CGNL1: variants seen among roughly 807,000 people sequenced by gnomAD.
CGNL1 encodes cingulin-like protein 1.
Under a neutral mutation model 141.2 loss-of-function variants are expected in CGNL1, and 132 were observed. The ratio of observed to expected loss-of-function variants is 0.93; its 90% CI spans 0.81 to 1.08. The LOEUF is 1.08. Ranked by LOEUF, CGNL1 falls within the 50% of genes least tolerant of loss-of-function variation. The probability of loss-of-function intolerance (pLI) is 0.00; values close to 1 mark genes in which losing one functional copy is unlikely to be tolerated. For missense variants in CGNL1, 1,870 were observed against 1,588.6 expected (o/e 1.18, Z -3.01); for synonymous variants, 690 against 622.1 (o/e 1.11, Z -1.63).
At position 57,498,785 on chromosome 15, in the gene CGNL1, A is replaced by G. The variant is rs546561569; in HGVS notation, c.2404-17995A>G. 2.6e-5 allele frequency among the ~76,000 whole-genome samples: 4 copies of G among 152,182 alleles called. No individual in the cohort carries two copies. In the East Asian group the frequency reaches 7.8e-4, roughly 29 times the overall value. Reference sequence around the variant, plus strand: ...TTGGTAGAGAGGAGGCAGAGTCTTCAGGCAGACACGCAGAGGCCCTGGGGT... The same window carrying G: ...TTGGTAGAGAGGAGGCAGAGTCTTCGGGCAGACACGCAGAGGCCCTGGGGT... On this transcript the variant is annotated intron_variant, in intron 8 of 18. Coordinates refer to ENST00000281282, the MANE Select transcript of CGNL1 (RefSeq NM_032866.5).
At position 57,544,513 on chromosome 15, in the gene CGNL1, C is replaced by T. The variant is rs2032747005; in HGVS notation, c.3416C>T (p.Ser1139Phe). The T allele has an allele frequency of 1.2e-6, 2 of 1,613,692 alleles. No homozygotes were observed. The highest frequency in any genetic ancestry group is 1.7e-6 in the Non-Finnish European group (2 of 1,179,866). ...LKSRIIHLEG[S>F]YRSSKEGLVV... ...AGCCGGATTATCCACCTGGAAGGTT[C>T]CTACAGGTCCAGCAAAGAGGGGCTG... is the stretch of plus-strand genomic sequence containing the variant. The change falls in exon 16 of 19, where the codon TCC (serine) becomes TTC (phenylalanine). Residue 1139 changes from serine (S) to phenylalanine (F), a missense_variant. Physicochemically the swap from Ser to Phe is radical, Grantham distance 155. Transcript: ENST00000281282.
rs761350142 is a variant in CGNL1 at position 57,518,379 on chromosome 15, G to T, written c.2611-14G>T. ...ACACATCTAAGTGCACACTGACCCA[G>T]TGTTTCATTGTAGGGAGAAATACGA... On this transcript the variant is annotated splice_polypyrimidine_tract_variant and intron_variant, in intron 9 of 18. Coordinates refer to ENST00000281282, the MANE Select transcript of CGNL1 (RefSeq NM_032866.5). 3.8e-6 allele frequency: 6 copies of T among 1,582,936 alleles called. No individual in the cohort carries two copies. The highest frequency in any genetic ancestry group is 1.7e-5 in the Admixed American group (1 of 59,596).
At position 57,438,359 on chromosome 15, in the gene CGNL1, C is replaced by G. The variant is rs1280393; in HGVS notation, c.360C>G (p.Pro120=). 3,071 of 1,614,128 alleles carry G rather than the reference C, an allele frequency of 1.9e-3. 53 individuals are homozygous for G. The African/African-American group carries it at 0.036, about 19-fold the overall frequency. Residue 120 remains proline (P), a synonymous_variant, in exon 2 of 19, where the codon CCC becomes CCG. Transcript: ENST00000281282. ...GCCCAATAAGAAACCTGAAACAGCC[C>G]CTGCTCCATGAGGGCAAGAATGGAG... ...QPSPIRNLKQ[P]LLHEGKNGVL... is the part of the protein sequence containing the mutation.
At chr15:57,392,503 C>T (rs903177195) in intron 1 of CGNL1, among the ~76,000 whole-genome samples, 1 of 152,168 alleles carries the variant, frequency 6.6e-6, no homozygotes, top group Non-Finnish European at 1.5e-5. Context: ...TGAAACCCAA[C>T]CAAGCAGCTC....
chr15:57,518,576 T>A (rs968139101), intron 10 of CGNL1, 79 bp downstream of exon 10: 4 of 963,484 alleles, frequency 4.2e-6, no homozygotes, highest in African/African-American at 1.6e-5. Flanking sequence ...GTGTGGAGAT[T>A]GTCCTTGGCC....
At chr15:57,423,264 G>A (rs1174704435) in intron 1 of CGNL1, among the ~76,000 whole-genome samples, 2 of 152,090 alleles carry the variant, frequency 1.3e-5, no homozygotes. Context: ...CATAAAATTA[G>A]GTAATGGTCC....
intron 1 of CGNL1, among the ~76,000 whole-genome samples, chr15:57,390,172 G>A (rs777933090): frequency 1.3e-5 from 2 of 152,196 alleles, no homozygotes; most frequent in Non-Finnish European, 2.9e-5. Context: ...TCAGCTGTTG[G>A]TTGGGTGTGG....
Position 57,377,798 on chromosome 15 carries a change from GT to G in CGNL1, c.-16+1232del, listed in dbSNP as rs557787651. ...GGTTGTCCTATTCAGGGAAAACCAA[GT>G]GATAATTTGACTTGTCATATTCGGG... On this transcript the variant is annotated intron_variant, in intron 1 of 18. Coordinates refer to ENST00000281282, the MANE Select transcript of CGNL1 (RefSeq NM_032866.5). Among the ~76,000 whole-genome samples, 744 of 152,308 alleles carry G rather than the reference GT, an allele frequency of 4.9e-3. 5 individuals carry two copies. The highest frequency in any genetic ancestry group is 0.017 in the African/African-American group (715 of 41,562).
At position 57,490,411 on chromosome 15, in the gene CGNL1, C is replaced by T. The variant is rs142442865; in HGVS notation, c.2404-26369C>T. On this transcript the variant is annotated intron_variant, in intron 8 of 18. Coordinates refer to ENST00000281282, the MANE Select transcript of CGNL1 (RefSeq NM_032866.5). ...GAAGTGCTCCAAACACACACACACA[C>T]GCACGCACGCGTGCGTGTGCACTCA... Among the ~76,000 whole-genome samples the T allele has an allele frequency of 3.6e-3, 546 of 152,046 alleles. 4 individuals are homozygous for T. The highest frequency in any genetic ancestry group is 0.012 in the African/African-American group (508 of 41,458).
intron 8 of CGNL1, among the ~76,000 whole-genome samples, chr15:57,492,496 A>G (rs903322349): frequency 3.3e-5 from 5 of 152,238 alleles, no homozygotes; most frequent in African/African-American, 4.8e-5. Context: ...ACAAAAGCAC[A>G]TAGAGTAAAA....
chr15:57,401,825 G>A (rs2062663711), intron 1 of CGNL1, among the ~76,000 whole-genome samples: 1 of 152,128 alleles, frequency 6.6e-6, no homozygotes, highest in African/African-American at 2.4e-5. Flanking sequence ...TGTACAGTGT[G>A]CCATGCCAAA....
chr15:57,530,834 C>T (rs922621974), intron 13 of CGNL1, among the ~76,000 whole-genome samples: 2 of 152,216 alleles, frequency 1.3e-5, no homozygotes, highest in African/African-American at 4.8e-5. Context: ...CATTGCTTGT[C>T]AATCCACTTT....
intron 4 of CGNL1, among the ~76,000 whole-genome samples, chr15:57,448,264 C>G (rs1316385657): frequency 6.6e-6 from 1 of 151,706 alleles, no homozygotes; most frequent in African/African-American, 2.4e-5. Flanking sequence ...GAGCTGTGAT[C>G]CAGTGAGTTC....
At chr15:57,545,762 A>G (rs2032828690) in intron 17 of CGNL1, 62 bp downstream of exon 17, 2 of 1,367,648 alleles carry the variant, frequency 1.5e-6, no homozygotes, top group African/African-American at 1.4e-5. Flanking sequence ...CTGAGGGAGC[A>G]AGGGAGGCAA....
At chr15:57,517,022 C>T in intron 9 of CGNL1, 36 bp downstream of exon 9, 3 of 1,578,180 alleles carry the variant, frequency 1.9e-6, no homozygotes, top group African/African-American at 1.4e-5. Context: ...GCTTTGGCAG[C>T]TGCTGCTCCT....
In CGNL1 at chr15:57,518,410, A is replaced by G. The variant is rs896641370; in HGVS notation, c.2628A>G (p.Leu876=). The change falls in exon 10 of 19, where the codon TTA becomes TTG. Residue 876 remains leucine, a synonymous_variant. Transcript: ENST00000281282. ...CATTGTAGGGAGAAATACGACAGTT[A>G]GAGGAGGCCCTTGTGCACGCCAGAA... The part of the protein sequence containing the change: ...LKKYEGEIRQ[L]EEALVHARKE... The G allele has an allele frequency of 6.8e-6, 11 of 1,613,124 alleles. No individual in the cohort carries two copies. The highest frequency in any genetic ancestry group is 9.3e-6 in the Non-Finnish European group (11 of 1,179,564).
At chr15:57,532,129 A>G (rs1262224806) in intron 14 of CGNL1, among the ~76,000 whole-genome samples, 1 of 152,174 alleles carries the variant, frequency 6.6e-6, no homozygotes, top group Non-Finnish European at 1.5e-5. Flanking sequence ...TTCGTCTAGC[A>G]CCATTTCCAG....
intron 17 of CGNL1, 126 bp downstream of exon 17, chr15:57,545,826 C>T (rs2032832248): frequency 2.5e-6 from 2 of 797,956 alleles, no homozygotes; most frequent in Admixed American, 2.4e-5. Context: ...CCTTTCCACG[C>T]ACCCAGTCAC....
chr15:57,435,749 C>A (rs1241855813), intron 1 of CGNL1, among the ~76,000 whole-genome samples: 1 of 152,056 alleles, frequency 6.6e-6, no homozygotes, highest in Non-Finnish European at 1.5e-5. Context: ...CAAGACAGAA[C>A]AGAGAGACAA....
Sources: allele counts gnomAD v4.1 joint callset (sites outside exome capture counted in the v4.1 genomes callset), GRCh38; gene constraint gnomAD v4.1.1; transcripts MANE v1.5; gene names NCBI Gene and HGNC (gene_info 2026-07-23, HGNC 2026-07-21).